The following CALM3 variants were observed in gnomAD, a reference collection of about 807,000 sequenced individuals.
CALM3 encodes calmodulin 3, also known as calmodulin-3.
Under a neutral mutation model 20.1 loss-of-function variants are expected in CALM3, and 5 were observed. The observed-to-expected ratio is 0.25, with a 90% confidence interval of 0.13 to 0.52. CALM3 has a LOEUF of 0.52. CALM3 is among the 20% of genes least tolerant of loss of function. CALM3 has a pLI of 0.96. For synonymous variants in CALM3, 69 were observed against 68.1 expected (o/e 1.01, Z -0.06); for missense variants, 57 against 192.8 (o/e 0.30, Z 4.17).
At chr19:46,607,626 C>G (rs984103698) in intron 2 of CALM3, among the ~76,000 whole-genome samples, 1 of 152,212 alleles carries the variant, frequency 6.6e-6, no homozygotes, top group African/African-American at 2.4e-5. Context: ...CTGCCGACCA[C>G]CCCCACGCTC....
In CALM3 at chr19:46,610,077, C is replaced by G. The variant is rs1014309860; in HGVS notation, c.*924C>G. On this transcript the variant is annotated 3_prime_UTR_variant, in exon 6 of 6. Transcript: ENST00000291295. ...TCCCCTCTATGGCCCTTAAGACTTT[C>G]ATTTTGTTCAGAACCATGCTGGGCT... The G allele has an allele frequency of 6.6e-6, 1 of 152,488 alleles. No homozygotes were observed. The highest frequency in any genetic ancestry group is 1.5e-5 in the Non-Finnish European group (1 of 68,056). The allele number at this position is 152,488 out of a possible 1,614,324, so 9.4% of individuals were successfully genotyped here.
At position 46,610,320 on chromosome 19, in the gene CALM3, C is replaced by G. The variant is rs1306598487; in HGVS notation, c.*1167C>G. 1.3e-5 allele frequency: 2 copies of G among 152,808 alleles called. No homozygotes were observed. The highest frequency in any genetic ancestry group is 1.3e-4 in the Admixed American group (2 of 15,286). 9.5% of individuals were successfully genotyped at this position (152,808 alleles called of 1,614,324 possible). On this transcript the variant is annotated 3_prime_UTR_variant, in exon 6 of 6. Transcript: ENST00000291295. Reference sequence around the variant, plus strand: ...CTTCCCTGCCTCTTCCCTCGCCCACCTGCCTGCCCCCATACTCCCCCAGCG... The same window carrying G: ...CTTCCCTGCCTCTTCCCTCGCCCACGTGCCTGCCCCCATACTCCCCCAGCG...
Position 46,601,434 on chromosome 19 carries a change from C to G in CALM3, c.-1C>G. The G allele has an allele frequency of 6.7e-7, 1 of 1,502,376 alleles. No individual in the cohort carries two copies. The allele number at this position is 1,502,376 out of a possible 1,614,324, so 93.1% of individuals were successfully genotyped here. On this transcript the variant is annotated 5_prime_UTR_variant, in exon 1 of 6. Coordinates refer to ENST00000291295, the MANE Select transcript of CALM3 (RefSeq NM_005184.4). This position sits in a 1 kb window ranked among gnomAD's most constrained non-coding sequence, Gnocchi z 4.2. ...GTGCTCCGGACACCCCGGGCCTCGCCATGGTGAGTGAGGCTGGGGGGTCGC... is the reference window on the plus strand; with the variant it reads ...GTGCTCCGGACACCCCGGGCCTCGCGATGGTGAGTGAGGCTGGGGGGTCGC...
In CALM3 at chr19:46,609,604, T is replaced by A; in HGVS notation, c.*451T>A. 5.7e-6 allele frequency: 1 copy of A among 174,472 alleles called. No individual in the cohort carries two copies. Among genetic ancestry groups the A allele is most frequent in the Non-Finnish European group, 1.2e-5 (1 of 82,308 alleles). The allele number at this position is 174,472 out of a possible 1,614,324, so 10.8% of individuals were successfully genotyped here. On this transcript the variant is annotated 3_prime_UTR_variant, in exon 6 of 6. Coordinates refer to ENST00000291295, the MANE Select transcript of CALM3 (RefSeq NM_005184.4). ...CTCCCCCAGGCAGAAGAGCATGCCC[T>A]TTGCCGTTGCATGCAACCAGCCCTG...
chr19:46,602,237 G>A (rs1971639848), intron 1 of CALM3: 2 of 1,345,412 alleles, frequency 1.5e-6, no homozygotes, highest in South Asian at 1.2e-5. Context: ...CCAGTAGTCG[G>A]GGGACAGGGA....
Position 46,601,463 on chromosome 19 carries a change from G to A in CALM3, c.3+26G>A. 1 of 1,489,354 alleles carries A rather than the reference G, an allele frequency of 6.7e-7. No individual in the cohort carries two copies. The highest frequency in any genetic ancestry group is 1.4e-5 in the African/African-American group (1 of 69,122). 92.3% of individuals were successfully genotyped at this position (1,489,354 alleles called of 1,614,324 possible). ...GTGAGTGAGGCTGGGGGGTCGCCGA[G>A]GCTGCGGGCTCTGAGGCGGGCTTAA... On this transcript the variant is annotated intron_variant, in intron 1 of 5. Coordinates refer to ENST00000291295, the MANE Select transcript of CALM3 (RefSeq NM_005184.4). The surrounding 1 kb of genome is among the most constrained non-coding windows in gnomAD (Gnocchi z 4.2).
chr19:46,609,223 A>C lies in CALM3; in HGVS notation c.*70A>C, dbSNP rs1971817962. On this transcript the variant is annotated 3_prime_UTR_variant, in exon 6 of 6. Coordinates refer to ENST00000291295, the MANE Select transcript of CALM3 (RefSeq NM_005184.4). Reference sequence around the variant, plus strand: ...CTTCTCGCGCGCGCACTCTCTCTTCAACACTCCCCTGCGTACCCCGGTTCT... The same window carrying C: ...CTTCTCGCGCGCGCACTCTCTCTTCCACACTCCCCTGCGTACCCCGGTTCT... 8.4e-6 allele frequency: 12 copies of C among 1,423,476 alleles called. No individual in the cohort carries two copies. The South Asian group carries it at 1.3e-4, about 15-fold the overall frequency. 88.2% of individuals were successfully genotyped at this position (1,423,476 alleles called of 1,614,324 possible). A position where few individuals can be genotyped will look rare whatever the true frequency, so the allele number is the denominator to read the frequency against.
chr19:46,609,351 G>C lies in CALM3; in HGVS notation c.*198G>C. ...CCTTCTTCCCTGAGTCTCTCTCCAT[G>C]CCCCTCATCTCTTCCTTTTGCCCTC... On this transcript the variant is annotated 3_prime_UTR_variant, in exon 6 of 6. Transcript: ENST00000291295. 2 of 627,428 alleles carry C rather than the reference G, an allele frequency of 3.2e-6. No homozygotes were observed. The highest frequency in any genetic ancestry group is 2.8e-6 in the Non-Finnish European group (1 of 351,118). The allele number at this position is 627,428 out of a possible 1,614,324, so 38.9% of individuals were successfully genotyped here. A position where few individuals can be genotyped will look rare whatever the true frequency, so the allele number is the denominator to read the frequency against.
rs946495296 is a variant in CALM3 at position 46,608,011 on chromosome 19, G to A, written c.35-186G>A. 2 of 588,696 alleles carry A rather than the reference G, an allele frequency of 3.4e-6. No homozygotes were observed. The highest frequency in any genetic ancestry group is 4.2e-5 in the South Asian group (2 of 48,016). 36.5% of individuals were successfully genotyped at this position (588,696 alleles called of 1,614,324 possible). A position where few individuals can be genotyped will look rare whatever the true frequency, so the allele number is the denominator to read the frequency against. ...GATGTTCAATAACTGTTGAATGAAG[G>A]TTGGAAGGGCTTTGCCCTGAGCACT... On this transcript the variant is annotated intron_variant, in intron 2 of 5. Coordinates refer to ENST00000291295, the MANE Select transcript of CALM3 (RefSeq NM_005184.4). The surrounding 1 kb of genome is among the most constrained non-coding windows in gnomAD (Gnocchi z 5.5).
rs73940731 is a variant in CALM3, at chr19:46,607,719, G to T, written c.35-478G>T. 5.9e-3 allele frequency among the ~76,000 whole-genome samples: 896 copies of T among 152,368 alleles called. 12 individuals are homozygous for T. The highest frequency in any genetic ancestry group is 0.02 in the African/African-American group (850 of 41,588). ...GGCTGCCAGTCAGAAGGGAGTGGATGCCTGCATTTCCTCTTCAGGCCGGCC... is the reference window on the plus strand; with the variant it reads ...GGCTGCCAGTCAGAAGGGAGTGGATTCCTGCATTTCCTCTTCAGGCCGGCC... On this transcript the variant is annotated intron_variant, in intron 2 of 5. Coordinates refer to ENST00000291295, the MANE Select transcript of CALM3 (RefSeq NM_005184.4).
In CALM3 at chr19:46,601,652, G is replaced by A. The variant is rs1971619977; in HGVS notation, c.3+215G>A. The stretch of plus-strand genomic sequence containing the variant: ...CCAGAAGCGACTTTAGCACCAAATG[G>A]GATGTTTAAGTCCACAAATGGGTAT... On this transcript the variant is annotated intron_variant, in intron 1 of 5. Coordinates refer to ENST00000291295, the MANE Select transcript of CALM3 (RefSeq NM_005184.4). This position sits in a 1 kb window ranked among gnomAD's most constrained non-coding sequence, Gnocchi z 4.2. Among the ~76,000 whole-genome samples the A allele has an allele frequency of 6.6e-6, 1 of 152,210 alleles. No individual in the cohort carries two copies. Among genetic ancestry groups the A allele is most frequent in the Admixed American group, 6.5e-5 (1 of 15,284 alleles).
Position 46,605,094 on chromosome 19 carries a change from T to C in CALM3, c.4-733T>C, listed in dbSNP as rs569792089. ...GTGCAAGCCAGCTTCAGTCCTCTGC[T>C]GCTGCCCGCTGCAGCCCTCTCCCTG... On this transcript the variant is annotated intron_variant, in intron 1 of 5. Coordinates refer to ENST00000291295, the MANE Select transcript of CALM3 (RefSeq NM_005184.4). This position sits in a 1 kb window ranked among gnomAD's most constrained non-coding sequence, Gnocchi z 4.1. 5.9e-5 allele frequency: 9 copies of C among 152,516 alleles called. No individual in the cohort carries two copies. Among genetic ancestry groups the C allele is most frequent in the African/African-American group, 2.2e-4 (9 of 41,586 alleles). The allele number at this position is 152,516 out of a possible 1,614,324, so 9.4% of individuals were successfully genotyped here. A position where few individuals can be genotyped will look rare whatever the true frequency, so the allele number is the denominator to read the frequency against.
intron 5 of CALM3, 35 bp downstream of exon 5, chr19:46,609,016 A>T (rs1010013527): frequency 6.2e-7 from 1 of 1,606,894 alleles, no homozygotes; most frequent in Middle Eastern, 1.7e-4. Flanking sequence ...CTGGAACAAG[A>T]AGAGAATCGC....
intron 1 of CALM3, chr19:46,602,346 G>T: frequency 2.1e-6 from 1 of 474,090 alleles, no homozygotes; most frequent in Non-Finnish European, 3.7e-6. Context: ...AACGGGGTGG[G>T]AGTGTTGTGT....
chr19:46,601,489 C>T lies in CALM3; in HGVS notation c.3+52C>T. The T allele has an allele frequency of 7.1e-7, 1 of 1,410,330 alleles. No homozygotes were observed. Among genetic ancestry groups the T allele is most frequent in the Non-Finnish European group, 9.3e-7 (1 of 1,074,996 alleles). 87.4% of individuals were successfully genotyped at this position (1,410,330 alleles called of 1,614,324 possible). On this transcript the variant is annotated intron_variant, in intron 1 of 5. Coordinates refer to ENST00000291295, the MANE Select transcript of CALM3 (RefSeq NM_005184.4). This position sits in a 1 kb window ranked among gnomAD's most constrained non-coding sequence, Gnocchi z 4.2. ...GCTGCGGGCTCTGAGGCGGGCTTAACGGGGCAGGACCCCTGAGGGGGCGAC... is the reference window on the plus strand; with the variant it reads ...GCTGCGGGCTCTGAGGCGGGCTTAATGGGGCAGGACCCCTGAGGGGGCGAC...
At position 46,608,740 on chromosome 19, in the gene CALM3, C is replaced by T. The variant is rs748629335; in HGVS notation, c.286-106C>T. ...TGCTCTGCCACCTCAGGCAGCCTCC[C>T]TCACTGTGCTCACTGCTGAGGGATG... On this transcript the variant is annotated intron_variant, in intron 4 of 5. Coordinates refer to ENST00000291295, the MANE Select transcript of CALM3 (RefSeq NM_005184.4). The surrounding 1 kb of genome is among the most constrained non-coding windows in gnomAD (Gnocchi z 5.5). The T allele has an allele frequency of 7.3e-7, 1 of 1,369,616 alleles. No individual in the cohort carries two copies. The highest frequency in any genetic ancestry group is 1.0e-6 in the Non-Finnish European group (1 of 1,003,976). The allele number at this position is 1,369,616 out of a possible 1,614,324, so 84.8% of individuals were successfully genotyped here.
Position 46,609,162 on chromosome 19 carries a change from C to T in CALM3, c.*9C>T, listed in dbSNP as rs762466010. The T allele has an allele frequency of 1.2e-5, 20 of 1,613,664 alleles. No individual in the cohort carries two copies. Among genetic ancestry groups the T allele is most frequent in the African/African-American group, 4.0e-5 (3 of 74,904 alleles). On this transcript the variant is annotated 3_prime_UTR_variant, in exon 6 of 6. Coordinates refer to ENST00000291295, the MANE Select transcript of CALM3 (RefSeq NM_005184.4). ...TGATGACTGCAAAGTGAAGGCCCCCCGGGCAGCTGGCGATGCCCGTTCTCT... is the reference window on the plus strand; with the variant it reads ...TGATGACTGCAAAGTGAAGGCCCCCTGGGCAGCTGGCGATGCCCGTTCTCT...
chr19:46,605,589 C>T lies in CALM3; in HGVS notation c.4-238C>T, dbSNP rs1265058325. Among the ~76,000 whole-genome samples, 3 of 152,236 alleles carry T rather than the reference C, an allele frequency of 2.0e-5. No homozygotes were observed. The highest frequency in any genetic ancestry group is 4.8e-5 in the African/African-American group (2 of 41,460). ...GTGGGTCTGGGCAGCTTCATCGGGC[C>T]GTGCGTCCAGCAGGCCTGAGTGTCC... On this transcript the variant is annotated intron_variant, in intron 1 of 5. Coordinates refer to ENST00000291295, the MANE Select transcript of CALM3 (RefSeq NM_005184.4). This position sits in a 1 kb window ranked among gnomAD's most constrained non-coding sequence, Gnocchi z 4.1.
rs1159995095 is a variant in CALM3, at chr19:46,601,531, G to A, written c.3+94G>A. On this transcript the variant is annotated intron_variant, in intron 1 of 5. Coordinates refer to ENST00000291295, the MANE Select transcript of CALM3 (RefSeq NM_005184.4). The surrounding 1 kb of genome is among the most constrained non-coding windows in gnomAD (Gnocchi z 4.2). ...GGGGGCGACAGAGCCCAGAGTGGGGGGCGTCCGGGCCCGGCGAGAGCCTCG... is the reference window on the plus strand; with the variant it reads ...GGGGGCGACAGAGCCCAGAGTGGGGAGCGTCCGGGCCCGGCGAGAGCCTCG... The A allele has an allele frequency of 3.4e-6, 4 of 1,192,884 alleles. No individual in the cohort carries two copies. Among genetic ancestry groups the A allele is most frequent in the Non-Finnish European group, 4.3e-6 (4 of 919,646 alleles). The allele number at this position is 1,192,884 out of a possible 1,614,324, so 73.9% of individuals were successfully genotyped here.
Sources: allele counts gnomAD v4.1 joint callset (sites outside exome capture counted in the v4.1 genomes callset), GRCh38; gene constraint gnomAD v4.1.1; non-coding constraint Gnocchi (gnomAD v3.1); transcripts MANE v1.5; gene names NCBI Gene and HGNC (gene_info 2026-07-23, HGNC 2026-07-21).